GTF2IRD2B: variants seen among roughly 807,000 people sequenced by gnomAD.
GTF2IRD2B encodes GTF2I repeat domain containing 2B.
In GTF2IRD2B, 10 loss-of-function variants were observed where a neutral mutation model predicts 55.6. The observed-to-expected ratio is 0.18, with a 90% CI of 0.11 to 0.31. The LOEUF is 0.31. Among genes scored for constraint, GTF2IRD2B ranks in the 10% least tolerant of loss-of-function variants. GTF2IRD2B has a pLI of 1.00. For missense variants in GTF2IRD2B, 206 were observed against 802.7 expected (o/e 0.26, Z 8.98); for synonymous variants, 107 against 320.5 (o/e 0.33, Z 7.12).
At chr7:75,095,613 CAG>C (rs2115652526) in intron 1 of GTF2IRD2B, among the ~76,000 whole-genome samples, 2 of 104,774 alleles carry the variant, frequency 1.9e-5, no homozygotes, top group South Asian at 7.4e-4. Flanking sequence ...TCTCTTGAGA[CAG>C]AGTCCTACCC....
At chr7:75,119,191 CAAA>C (rs71229657) in intron 3 of GTF2IRD2B, among the ~76,000 whole-genome samples, 2 of 5,122 alleles carry the variant, frequency 3.9e-4, no homozygotes, top group Non-Finnish European at 5.2e-4. Context: ...AAGACTCTCT[CAAA>C]AAAAAAAAAA....
intron 3 of GTF2IRD2B, among the ~76,000 whole-genome samples, chr7:75,117,256 T>G (rs1808190680): frequency 6.6e-6 from 1 of 151,784 alleles, no homozygotes; most frequent in Admixed American, 6.6e-5. Flanking sequence ...TCCCAGCATT[T>G]TGGGAGGCCA....
chr7:75,114,674 G>C (rs150902733), intron 3 of GTF2IRD2B, among the ~76,000 whole-genome samples: 1 of 151,982 alleles, frequency 6.6e-6, no homozygotes, highest in African/African-American at 2.4e-5. Context: ...ACTTACAAGT[G>C]AGAACATGTG....
At chr7:75,126,777 G>A (rs1554535819) in intron 8 of GTF2IRD2B, among the ~76,000 whole-genome samples, 8 of 149,256 alleles carry the variant, frequency 5.4e-5, no homozygotes, top group East Asian at 3.9e-4. Context: ...CGGACAGATC[G>A]CCTGAGCTCA....
In GTF2IRD2B at chr7:75,120,046, G is replaced by A. The variant is rs1326479282; in HGVS notation, c.239-845G>A. On this transcript the variant is annotated intron_variant, in intron 3 of 15. Coordinates refer to ENST00000472837, the MANE Select transcript of GTF2IRD2B (RefSeq NM_001003795.3). ...CAGGAGGCTGAGGCAGGAGAATGGC[G>A]TGAACCCGGGAGGCAGAACTTGCAG... is the stretch of plus-strand genomic sequence containing the variant. Among the ~76,000 whole-genome samples, 20 of 129,326 alleles carry A rather than the reference G, an allele frequency of 1.5e-4. 3 individuals are homozygous for A. Among genetic ancestry groups the A allele is most frequent in the African/African-American group, 6.4e-4 (18 of 28,148 alleles). 84.8% of individuals were successfully genotyped at this position (129,326 alleles called of 152,430 possible).
chr7:75,137,313 G>T (rs1419186883), intron 11 of GTF2IRD2B, among the ~76,000 whole-genome samples: 1 of 150,068 alleles, frequency 6.7e-6, no homozygotes, highest in Admixed American at 6.7e-5. Flanking sequence ...TTGAGGTGTT[G>T]TAGACAACAT....
At chr7:75,107,325 C>T (rs1383146550) in intron 1 of GTF2IRD2B, among the ~76,000 whole-genome samples, 1 of 152,152 alleles carries the variant, frequency 6.6e-6, no homozygotes, top group Non-Finnish European at 1.5e-5. Context: ...CCTGTAATCC[C>T]AGCACTTTGG....
chr7:75,113,978 TAGATA>T (rs1808057635), intron 3 of GTF2IRD2B, among the ~76,000 whole-genome samples: 2 of 148,972 alleles, frequency 1.3e-5, no homozygotes, highest in African/African-American at 5.0e-5. Flanking sequence ...GGATAGATGA[TAGATA>T]AGAGAGAGGA....
At chr7:75,104,338 C>G (rs111750385) in intron 1 of GTF2IRD2B, among the ~76,000 whole-genome samples, 3 of 151,276 alleles carry the variant, frequency 2.0e-5, no homozygotes, top group Non-Finnish European at 3.0e-5. Context: ...AGGCTGGTCT[C>G]GAACTCCTGA....
chr7:75,093,898 GAAA>G (rs1168391165), intron 1 of GTF2IRD2B: 1 of 117,760 alleles, frequency 8.5e-6, no homozygotes, highest in Admixed American at 8.7e-5. Context: ...GTGTTTTAAG[GAAA>G]AAAAAATCAT....
In GTF2IRD2B at chr7:75,123,995, A is replaced by C. The variant is rs587682595; in HGVS notation, c.571+479A>C. On this transcript the variant is annotated intron_variant, in intron 6 of 15. Coordinates refer to ENST00000472837, the MANE Select transcript of GTF2IRD2B (RefSeq NM_001003795.3). ...TAGGAAACAAACCTGCACATTCTGC[A>C]GATGTATCCCCCCCCCTTTTTTTTT... 39 of 185,140 alleles carry C rather than the reference A, an allele frequency of 2.1e-4. 2 individuals are homozygous for C. In the East Asian group the frequency reaches 5.1e-3, roughly 24 times the overall value. The allele number at this position is 185,140 out of a possible 1,614,324, so 11.5% of individuals were successfully genotyped here.
chr7:75,105,867 C>T (rs1199117017), intron 1 of GTF2IRD2B, among the ~76,000 whole-genome samples: 1 of 152,310 alleles, frequency 6.6e-6, no homozygotes, highest in East Asian at 1.9e-4. Flanking sequence ...GAGTCTGTTT[C>T]ACGTTGTCTG....
rs587761048 is a variant in GTF2IRD2B at position 75,132,943 on chromosome 7, A to G, written c.671-192A>G. ...AAATACACAAATGTATGTTTTCTATATGTATATTATTTTAATTTATAGTAT... is the reference window on the plus strand; with the variant it reads ...AAATACACAAATGTATGTTTTCTATGTGTATATTATTTTAATTTATAGTAT... On this transcript the variant is annotated intron_variant, in intron 8 of 15. Transcript: ENST00000472837. Among the ~76,000 whole-genome samples the G allele has an allele frequency of 1.8e-3, 245 of 136,922 alleles. 7 individuals carry two copies. The highest frequency in any genetic ancestry group is 7.6e-3 in the African/African-American group (238 of 31,382). The allele number at this position is 136,922 out of a possible 152,430, so 89.8% of individuals were successfully genotyped here. A position where few individuals can be genotyped will look rare whatever the true frequency, so the allele number is the denominator to read the frequency against.
intron 3 of GTF2IRD2B, 163 bp downstream of exon 3, chr7:75,112,698 G>A: frequency 6.4e-7 from 1 of 1,572,990 alleles, no homozygotes; most frequent in Non-Finnish European, 8.7e-7. Context: ...TAACACTGCA[G>A]AGTCCAAGAC....
Position 75,149,426 on chromosome 7 carries a change from G to A in GTF2IRD2B, c.*129G>A, listed in dbSNP as rs1809262877. 2.8e-6 allele frequency: 2 copies of A among 708,940 alleles called. No homozygotes were observed. The highest frequency in any genetic ancestry group is 1.8e-5 in the African/African-American group (1 of 56,824). The allele number at this position is 708,940 out of a possible 1,614,324, so 43.9% of individuals were successfully genotyped here. A position where few individuals can be genotyped will look rare whatever the true frequency, so the allele number is the denominator to read the frequency against. The stretch of plus-strand genomic sequence containing the variant: ...GATGGAGTCTTGCTCTGTCGCCCAG[G>A]TTGGAGTGCAGTGGCGTGATCTCGG... On this transcript the variant is annotated 3_prime_UTR_variant, in exon 16 of 16. Coordinates refer to ENST00000472837, the MANE Select transcript of GTF2IRD2B (RefSeq NM_001003795.3).
chr7:75,123,065 A>G, intron 4 of GTF2IRD2B, 71 bp from the exon 5 acceptor site: 10 of 1,569,984 alleles, frequency 6.4e-6, no homozygotes, highest in Non-Finnish European at 8.6e-6. Context: ...AACAAAAAAC[A>G]AAAAACAAAA....
intron 1 of GTF2IRD2B, among the ~76,000 whole-genome samples, chr7:75,106,420 C>T (rs1259313936): frequency 6.6e-6 from 1 of 151,276 alleles, no homozygotes; most frequent in African/African-American, 2.4e-5. Context: ...TTCTGTCTTC[C>T]TTCCGCATGC....
chr7:75,119,737 G>A (rs1415410732), intron 3 of GTF2IRD2B, among the ~76,000 whole-genome samples: 2 of 128,764 alleles, frequency 1.6e-5, no homozygotes, highest in Non-Finnish European at 3.2e-5. Flanking sequence ...AGGTGGGTAA[G>A]GGATGATAAA....
intron 15 of GTF2IRD2B, among the ~76,000 whole-genome samples, chr7:75,145,856 T>A (rs1300814478): frequency 1.8e-5 from 2 of 113,850 alleles, no homozygotes; most frequent in African/African-American, 7.1e-5. Context: ...TTATTTATTG[T>A]ATTATTATTG....
Sources: allele counts gnomAD v4.1 joint callset (sites outside exome capture counted in the v4.1 genomes callset), GRCh38; gene constraint gnomAD v4.1.1; transcripts MANE v1.5; gene names NCBI Gene and HGNC (gene_info 2026-07-23, HGNC 2026-07-21).